Variants in C4orf51 observed in about 807,000 individuals in gnomAD.
C4orf51 encodes the protein uncharacterized protein C4orf51.
C4orf51 carries 25 observed loss-of-function variants against 25.2 expected under a neutral mutation model. That is an observed-to-expected ratio of 0.99 (90% CI 0.72 to 1.39). The LOEUF (loss-of-function observed/expected upper bound fraction) is 1.39. Ranked by LOEUF, C4orf51 falls within the 40% of genes most tolerant of loss-of-function variation. The pLI is 0.00. For synonymous variants in C4orf51, 100 were observed against 84.5 expected, an observed-to-expected ratio of 1.18 and a Z score of -1.01; for missense variants, 252 against 239.6, an observed-to-expected ratio of 1.05 and a Z score of -0.34.
Position 145,680,197 on chromosome 4 carries a change from C to G in C4orf51, c.-7C>G. The stretch of plus-strand genomic sequence containing the variant: ...CAAGTTGTTTTCCAGAGAGGCCGTT[C>G]GTAGTTATGTCACACTACTTCTACT... On this transcript the variant is annotated 5_prime_UTR_variant, in exon 1 of 6. Coordinates refer to ENST00000438731, the MANE Select transcript of C4orf51 (RefSeq NM_001080531.3). The G allele has an allele frequency of 6.3e-7, 1 of 1,592,622 alleles. No homozygotes were observed. Among genetic ancestry groups the G allele is most frequent in the Non-Finnish European group, 8.6e-7 (1 of 1,160,654 alleles).
At chr4:145,694,095 C>T (rs1729845684) in intron 1 of C4orf51, among the ~76,000 whole-genome samples, 2 of 145,276 alleles carry the variant, frequency 1.4e-5, no homozygotes, top group South Asian at 4.6e-4. Flanking sequence ...GCGCTCCTCA[C>T]ATCCCAGATG....
chr4:145,766,661 T>C (rs961864908), intron 1 of C4orf51, among the ~76,000 whole-genome samples: 3 of 152,050 alleles, frequency 2.0e-5, no homozygotes, highest in African/African-American at 7.2e-5. Flanking sequence ...CCCTTGAGTA[T>C]TCAGCAAAGT....
chr4:145,786,930 C>T, the C4orf51 span, among the ~76,000 whole-genome samples: 2 of 152,202 alleles, frequency 1.3e-5, no homozygotes, highest in Non-Finnish European at 2.9e-5. Context: ...ACAGCAGCCA[C>T]AATGCAGATG....
the C4orf51 span, among the ~76,000 whole-genome samples, chr4:145,785,345 C>G: frequency 6.6e-6 from 1 of 152,134 alleles, no homozygotes; most frequent in Non-Finnish European, 1.5e-5. Flanking sequence ...AGATGAAACC[C>G]ATCCAGCATG....
chr4:145,680,285 C>A lies in C4orf51; in HGVS notation c.82C>A (p.Arg28Ser), dbSNP rs772069422. 6.2e-6 allele frequency: 10 copies of A among 1,613,796 alleles called. No individual in the cohort carries two copies. Among genetic ancestry groups the A allele is most frequent in the Non-Finnish European group, 8.5e-6 (10 of 1,179,838 alleles). ...LTSQEFDLIR[R>S]KAGASWQDET... ...TTCTCAAGAGTTTGATCTGATCAGA[C>A]GCAAGGCTGGAGCATCTTGGCAGGA... is the stretch of plus-strand genomic sequence containing the variant. Residue 28 changes from arginine to serine, a missense_variant, in exon 1 of 6, where the codon CGC (arginine) becomes AGC (serine). Physicochemically the swap from Arg to Ser is moderately radical, Grantham distance 110. Transcript: ENST00000438731.
intron 1 of C4orf51, among the ~76,000 whole-genome samples, chr4:145,692,114 CAAT>C (rs1729615908): frequency 1.3e-5 from 2 of 152,198 alleles, no homozygotes; most frequent in South Asian, 4.2e-4. Flanking sequence ...GAGACACGTA[CAAT>C]AATGTTCTTA....
the C4orf51 span, among the ~76,000 whole-genome samples, chr4:145,784,870 C>G: frequency 6.6e-6 from 1 of 152,070 alleles, no homozygotes; most frequent in Admixed American, 6.5e-5. Flanking sequence ...TGTACAGAGT[C>G]TCATAGGATT....
the C4orf51 span, among the ~76,000 whole-genome samples, chr4:145,781,079 C>G: frequency 9.2e-5 from 14 of 151,522 alleles, no homozygotes; most frequent in Non-Finnish European, 2.1e-4. Flanking sequence ...GCCTGAAATC[C>G]CAGCTACTCA....
chr4:145,781,218 G>A, the C4orf51 span, among the ~76,000 whole-genome samples: 5,764 of 66,040 alleles, frequency 0.087, no homozygotes, highest in Middle Eastern at 0.14. Flanking sequence ...AAAAAAAAAA[G>A]AAAAAAAAAG....
Position 145,765,590 on chromosome 4 carries a change from A to T in C4orf51, n.167-5398A>T. The stretch of plus-strand genomic sequence containing the variant: ...CACTGTTCAGTGAGGGCTGGCTCCC[A>T]GGCATGACAGAGATGACCAGCAGAT... On this transcript the variant is annotated intron_variant and non_coding_transcript_variant, in intron 1 of 1. Transcript: ENST00000510096. This position sits in a 1 kb window ranked among gnomAD's most constrained non-coding sequence, Gnocchi z 4.7. 1 of 1,614,016 alleles carries T rather than the reference A, an allele frequency of 6.2e-7. No individual in the cohort carries two copies. Among genetic ancestry groups the T allele is most frequent in the Non-Finnish European group, 8.5e-7 (1 of 1,179,962 alleles).
the C4orf51 span, among the ~76,000 whole-genome samples, chr4:145,784,361 T>G: frequency 6.6e-6 from 1 of 152,226 alleles, no homozygotes; most frequent in Admixed American, 6.5e-5. Context: ...TGGTTGGGTT[T>G]TCTATTACTT....
chr4:145,684,219 A>G (rs1049884282), intron 1 of C4orf51, among the ~76,000 whole-genome samples: 1 of 152,178 alleles, frequency 6.6e-6, no homozygotes, highest in Non-Finnish European at 1.5e-5. Flanking sequence ...ACGGTGGCTC[A>G]CACCTGTAAT....
At chr4:145,766,641 G>A (rs1193116831) in intron 1 of C4orf51, among the ~76,000 whole-genome samples, 1 of 152,164 alleles carries the variant, frequency 6.6e-6, no homozygotes. Context: ...CAGAGACACA[G>A]AGAGGGTCCC....
chr4:145,758,345 C>T (rs1002343222), downstream of C4orf51: 1 of 152,186 alleles, frequency 6.6e-6, no homozygotes, highest in African/African-American at 2.4e-5. Context: ...TTGAAAGTTT[C>T]AACCCTAGAC....
In C4orf51 at chr4:145,761,010, C is replaced by T. The variant is rs1734403969; in HGVS notation, n.167-9978C>T. ...CCAAAGCCTTGAGTGCCAGGTTGGG[C>T]TCTGAGCTGCTGCCGTGGGCTGCCG... On this transcript the variant is annotated intron_variant and non_coding_transcript_variant, in intron 1 of 1. Coordinates refer to the C4orf51 transcript ENST00000510096. This position sits in a 1 kb window ranked among gnomAD's most constrained non-coding sequence, Gnocchi z 6.8. 7.8e-7 allele frequency: 1 copy of T among 1,274,672 alleles called. No individual in the cohort carries two copies. Among genetic ancestry groups the T allele is most frequent in the Non-Finnish European group, 1.0e-6 (1 of 980,264 alleles). 79.0% of individuals were successfully genotyped at this position (1,274,672 alleles called of 1,614,324 possible). A position where few individuals can be genotyped will look rare whatever the true frequency, so the allele number is the denominator to read the frequency against.
chr4:145,733,452 C>T (rs1421346676), downstream of C4orf51, among the ~76,000 whole-genome samples: 1 of 152,220 alleles, frequency 6.6e-6, no homozygotes, highest in East Asian at 1.9e-4. Flanking sequence ...CGAAGGGCCC[C>T]GGCAGCCGCC....
intron 2 of C4orf51, among the ~76,000 whole-genome samples, chr4:145,716,993 T>G (rs1413741326): frequency 6.6e-6 from 1 of 152,146 alleles, no homozygotes; most frequent in African/African-American, 2.4e-5. Flanking sequence ...GAGCCTGTGT[T>G]TGGGAAATTA....
intron 1 of C4orf51, among the ~76,000 whole-genome samples, chr4:145,745,642 C>G (rs1733332523): frequency 6.6e-6 from 1 of 152,154 alleles, no homozygotes. Context: ...ACTTAGGTTG[C>G]TTCCAAATCT....
intron 2 of C4orf51, among the ~76,000 whole-genome samples, 196 bp from the exon 3 acceptor site, chr4:145,726,715 C>T (rs531920393): frequency 6.6e-6 from 1 of 152,250 alleles, no homozygotes; most frequent in East Asian, 1.9e-4. Flanking sequence ...CCATAAATTA[C>T]TGTTAACTGT....
Sources: gnomAD v4.1 joint callset for allele counts (sites outside exome capture counted in the v4.1 genomes callset) on GRCh38, gnomAD v4.1.1 for gene constraint, Gnocchi (gnomAD v3.1) non-coding constraint, MANE v1.5 for transcripts, NCBI Gene and HGNC (gene_info 2026-07-23, HGNC 2026-07-21) for gene names.